NEIL3: variants seen among roughly 807,000 people sequenced by gnomAD.
NEIL3 encodes the protein nei like DNA glycosylase 3.
In NEIL3, 48 loss-of-function variants were observed where a neutral mutation model predicts 57.5. That is an observed-to-expected ratio of 0.83 (90% CI 0.66 to 1.06). The LOEUF is 1.06. NEIL3 is among the 50% of genes least tolerant of loss of function. The probability of loss-of-function intolerance (pLI) is 0.00; values close to 1 mark genes in which losing one functional copy is unlikely to be tolerated. For missense variants in NEIL3, 717 were observed against 739.1 expected, an observed-to-expected ratio of 0.97 and a Z score of 0.35; for synonymous variants, 261 against 253.2, an observed-to-expected ratio of 1.03 and a Z score of -0.29.
intron 2 of NEIL3, among the ~76,000 whole-genome samples, chr4:177,329,044 G>A (rs1407652414): frequency 1.3e-5 from 2 of 152,022 alleles, no homozygotes; most frequent in Non-Finnish European, 2.9e-5. Context: ...ATATCACTGA[G>A]ATAACTTGTA....
chr4:177,342,886 TG>T (rs1196650837), intron 6 of NEIL3: 2 of 152,040 alleles, frequency 1.3e-5, no homozygotes, highest in Non-Finnish European at 2.9e-5. Flanking sequence ...GATCAAATGG[TG>T]GGGGTCATTA....
Position 177,332,427 on chromosome 4 carries a change from G to A in NEIL3, c.279-3261G>A, listed in dbSNP as rs186600885. On this transcript the variant is annotated intron_variant, in intron 2 of 9. Coordinates refer to ENST00000264596, the MANE Select transcript of NEIL3 (RefSeq NM_018248.3). ...GCAGACTGCTTATGGTTGTTATTCA[G>A]TATAAGACATATTGTTTGGGCAGAG... Among the ~76,000 whole-genome samples, 69 of 152,242 alleles carry A rather than the reference G, an allele frequency of 4.5e-4. No individual in the cohort carries two copies. The East Asian group carries it at 0.013, about 28-fold the overall frequency.
intron 1 of NEIL3, among the ~76,000 whole-genome samples, chr4:177,316,540 A>T (rs1453998905): frequency 1.3e-5 from 2 of 152,104 alleles, no homozygotes; most frequent in Non-Finnish European, 2.9e-5. Flanking sequence ...GATTAAGTAG[A>T]TGGTAGAGTA....
intron 2 of NEIL3, among the ~76,000 whole-genome samples, chr4:177,330,046 G>A (rs552351008): frequency 7.2e-5 from 11 of 152,130 alleles, no homozygotes; most frequent in African/African-American, 2.7e-4. Context: ...TGAGTAGCTG[G>A]GATTACAGAC....
In NEIL3 at chr4:177,356,634, A is replaced by T. The variant is rs558287988; in HGVS notation, c.1460+2906A>T. On this transcript the variant is annotated intron_variant, in intron 8 of 9. Transcript: ENST00000264596. ...TCCATTCATAATTTATAGCCAGTTT[A>T]TTTTTTCTTTAATATTATATGATAA... Among the ~76,000 whole-genome samples the T allele has an allele frequency of 3.3e-5, 5 of 152,100 alleles. No individual in the cohort carries two copies. The South Asian group carries it at 1.0e-3, about 31-fold the overall frequency.
At chr4:177,312,239 A>C (rs534038296) in intron 1 of NEIL3, among the ~76,000 whole-genome samples, 1 of 152,298 alleles carries the variant, frequency 6.6e-6, no homozygotes, top group South Asian at 2.1e-4. Context: ...AATTTGCCCA[A>C]GATCACATGT....
In NEIL3 at chr4:177,341,459, G is replaced by GTT. The variant is rs35370036; in HGVS notation, c.703-4_703-3dup. The GTT allele has an allele frequency of 2.7e-3, 3,849 of 1,430,106 alleles. No homozygotes were observed. Among genetic ancestry groups the GTT allele is most frequent in the South Asian group, 0.01 (752 of 73,596 alleles). 88.6% of individuals were successfully genotyped at this position (1,430,106 alleles called of 1,614,324 possible). A position where few individuals can be genotyped will look rare whatever the true frequency, so the allele number is the denominator to read the frequency against. On this transcript the variant is annotated splice_polypyrimidine_tract_variant and intron_variant, in intron 5 of 9. Coordinates refer to ENST00000264596, the MANE Select transcript of NEIL3 (RefSeq NM_018248.3). ...GTTTTGTGGATAACAGAATTTTTTG[G>GTT]TTTTTTTTTTTTTTAGTGCCGTAAA...
chr4:177,360,272 G>A (rs186290624), intron 8 of NEIL3, among the ~76,000 whole-genome samples: 61 of 152,312 alleles, frequency 4.0e-4, no homozygotes, highest in Middle Eastern at 3.4e-3. Context: ...TTGTTCTTTA[G>A]AAAGTTAAAT....
Position 177,336,766 on chromosome 4 carries a change from T to C in NEIL3, c.627+445T>C, listed in dbSNP as rs561469572. ...ATTAGATATTAATATTTGTGGAATA[T>C]GTGAATGAACTAACTCACAACTTAT... On this transcript the variant is annotated intron_variant, in intron 4 of 9. Coordinates refer to ENST00000264596, the MANE Select transcript of NEIL3 (RefSeq NM_018248.3). Among the ~76,000 whole-genome samples the C allele has an allele frequency of 1.3e-4, 20 of 152,344 alleles. 1 individual carries two copies. The highest frequency in any genetic ancestry group is 2.4e-4 in the Non-Finnish European group (16 of 68,046).
chr4:177,317,508 C>T (rs535178100), intron 1 of NEIL3, among the ~76,000 whole-genome samples: 145 of 151,192 alleles, frequency 9.6e-4, no homozygotes, highest in African/African-American at 3.1e-3. Context: ...TAATAAGTGG[C>T]GCAGTAAACA....
intron 1 of NEIL3, among the ~76,000 whole-genome samples, chr4:177,313,170 G>T (rs1373369350): frequency 6.6e-6 from 1 of 152,160 alleles, no homozygotes; most frequent in Non-Finnish European, 1.5e-5. Context: ...GAGAGCTAAA[G>T]AAATATTTAA....
intron 2 of NEIL3, among the ~76,000 whole-genome samples, chr4:177,326,770 T>C (rs1440796127): frequency 6.6e-6 from 1 of 152,196 alleles, no homozygotes; most frequent in African/African-American, 2.4e-5. Context: ...TATTTTATAT[T>C]TGTAACTAAG....
intron 2 of NEIL3, among the ~76,000 whole-genome samples, chr4:177,328,899 C>T (rs923188664): frequency 1.3e-5 from 2 of 151,942 alleles, no homozygotes; most frequent in African/African-American, 4.8e-5. Flanking sequence ...AATGATGGTA[C>T]ACTAATGTTG....
chr4:177,312,202 A>G (rs996510511), intron 1 of NEIL3, among the ~76,000 whole-genome samples: 5 of 152,222 alleles, frequency 3.3e-5, no homozygotes, highest in African/African-American at 7.2e-5. Context: ...CAGATGAGGC[A>G]TATGAGGCTC....
intron 2 of NEIL3, among the ~76,000 whole-genome samples, chr4:177,331,458 A>T (rs1734883096): frequency 6.6e-6 from 1 of 151,826 alleles, no homozygotes; most frequent in Non-Finnish European, 1.5e-5. Flanking sequence ...AATAACTAAT[A>T]TATAATATAA....
chr4:177,335,880 T>C, intron 3 of NEIL3, 58 bp downstream of exon 3: 1 of 1,422,834 alleles, frequency 7.0e-7, no homozygotes, highest in Non-Finnish European at 9.4e-7. Context: ...TGGTTTGGGA[T>C]GTCACACGTG....
At chr4:177,315,676 AC>A (rs1560906709) in intron 1 of NEIL3, among the ~76,000 whole-genome samples, 1 of 152,232 alleles carries the variant, frequency 6.6e-6, no homozygotes, top group East Asian at 1.9e-4. Flanking sequence ...CAGTTTGTAC[AC>A]AATAGCTCTT....
chr4:177,344,681 C>T (rs1018684419), intron 6 of NEIL3, among the ~76,000 whole-genome samples: 1 of 152,058 alleles, frequency 6.6e-6, no homozygotes, highest in Non-Finnish European at 1.5e-5. Flanking sequence ...CCTACTTCAG[C>T]CTCCCGAGTA....
chr4:177,317,943 A>G (rs1307409943), intron 1 of NEIL3, among the ~76,000 whole-genome samples: 1 of 152,140 alleles, frequency 6.6e-6, no homozygotes, highest in Non-Finnish European at 1.5e-5. Flanking sequence ...GTTTGCAGAT[A>G]TAGATGTCTG....
Sources: gnomAD v4.1 joint callset for allele counts (sites outside exome capture counted in the v4.1 genomes callset) on GRCh38, gnomAD v4.1.1 for gene constraint, MANE v1.5 for transcripts, NCBI Gene and HGNC (gene_info 2026-07-23, HGNC 2026-07-21) for gene names.